The following ZNF766 variants were observed in gnomAD, a reference collection of about 807,000 sequenced individuals.
ZNF766 encodes the protein zinc finger protein 766.
Under a neutral mutation model 13.2 loss-of-function variants are expected in ZNF766, and 13 were observed. That is an observed-to-expected ratio of 0.98 (90% CI 0.64 to 1.56). The LOEUF (loss-of-function observed/expected upper bound fraction) is 1.56, where lower values mean the gene tolerates loss of function less well. Ranked by LOEUF, ZNF766 falls within the 40% of genes most tolerant of loss-of-function variation. The pLI is 0.00. For missense variants in ZNF766, 521 were observed against 552.2 expected, an observed-to-expected ratio of 0.94 and a Z score of 0.57; for synonymous variants, 178 against 187.6, an observed-to-expected ratio of 0.95 and a Z score of 0.42.
At position 52,284,037 on chromosome 19, in the gene ZNF766, C is replaced by T. The variant is rs557876314; in HGVS notation, c.274+624C>T. On this transcript the variant is annotated intron_variant, in intron 3 of 3. Transcript: ENST00000439461. Reference sequence around the variant, plus strand: ...GGTGTCAGCCACCGCGCCCAGCCCACGCTGTCGTTTAGATGTGTAATAGTT... The same window carrying T: ...GGTGTCAGCCACCGCGCCCAGCCCATGCTGTCGTTTAGATGTGTAATAGTT... Among the ~76,000 whole-genome samples the T allele has an allele frequency of 1.1e-4, 16 of 152,280 alleles. No homozygotes were observed. In the South Asian group the frequency reaches 2.9e-3, roughly 28 times the overall value.
chr19:52,286,513 C>T (rs953059602), intron 3 of ZNF766, among the ~76,000 whole-genome samples: 4 of 152,042 alleles, frequency 2.6e-5, no homozygotes, highest in Admixed American at 1.3e-4. Flanking sequence ...TGAGCTCAAG[C>T]GATCCTCCCG....
intron 1 of ZNF766, among the ~76,000 whole-genome samples, chr19:52,270,284 G>A (rs901345030): frequency 3.4e-4 from 52 of 152,216 alleles, no homozygotes; most frequent in African/African-American, 1.1e-3. Context: ...CGAGGTAGAG[G>A]AAACAGAAAA....
Position 52,294,459 on chromosome 19 carries a change from CT to C in ZNF766, c.*3264del, listed in dbSNP as rs1280568354. 6.6e-6 allele frequency: 1 copy of C among 152,140 alleles called. No homozygotes were observed. The highest frequency in any genetic ancestry group is 2.4e-5 in the African/African-American group (1 of 41,436). 9.4% of individuals were successfully genotyped at this position (152,140 alleles called of 1,614,324 possible). ...TCAAAATGTTTACTCCATAATGAGG[CT>C]TTCTGGGGAGAGCAGGGTAGACTTC... On this transcript the variant is annotated 3_prime_UTR_variant, in exon 4 of 4. Transcript: ENST00000439461.
chr19:52,290,339 G>A lies in ZNF766; in HGVS notation c.548G>A (p.Arg183Lys). ...TCACAAGAACAGAAAGCACACATTA[G>A]GAGAAAACCTTACGAATGTAATGAG... Reference protein sequence around the residue: ...LLSQEQKAHIRRKPYECNEQG... With the variant: ...LLSQEQKAHIKRKPYECNEQG... Residue 183 changes from arginine to lysine, a missense_variant, in exon 4 of 4, where the codon AGG (arginine) becomes AAG (lysine). Coordinates refer to ENST00000439461, the MANE Select transcript of ZNF766 (RefSeq NM_001010851.3). 6.2e-7 allele frequency: 1 copy of A among 1,614,112 alleles called. No individual in the cohort carries two copies.
chr19:52,271,425 G>A (rs940459542), intron 1 of ZNF766, among the ~76,000 whole-genome samples: 15 of 152,164 alleles, frequency 9.9e-5, no homozygotes, highest in African/African-American at 3.6e-4. Context: ...ACCAGTAAAG[G>A]GAAGAGATCT....
At position 52,280,354 on chromosome 19, in the gene ZNF766, G is replaced by A. The variant is rs747390715; in HGVS notation, c.19-1757G>A. ...AACCTGGACAACATAGCAAGACCCA[G>A]TCTCTAAGAATTTTTTTTAAAAAAG... On this transcript the variant is annotated intron_variant, in intron 1 of 3. Coordinates refer to ENST00000439461, the MANE Select transcript of ZNF766 (RefSeq NM_001010851.3). Among the ~76,000 whole-genome samples, 9 of 152,098 alleles carry A rather than the reference G, an allele frequency of 5.9e-5. No homozygotes were observed. In the East Asian group the frequency reaches 7.7e-4, roughly 13 times the overall value.
chr19:52,282,434 G>A (rs535680702), intron 2 of ZNF766, 197 bp downstream of exon 2: 24 of 446,656 alleles, frequency 5.4e-5, no homozygotes, highest in African/African-American at 4.2e-4. Context: ...TCAGGAGTTC[G>A]AGACCAACCT....
chr19:52,292,031 T>C lies in ZNF766; in HGVS notation c.*833T>C. 1 of 642,180 alleles carries C rather than the reference T, an allele frequency of 1.6e-6. No homozygotes were observed. Among genetic ancestry groups the C allele is most frequent in the Non-Finnish European group, 2.8e-6 (1 of 358,760 alleles). The allele number at this position is 642,180 out of a possible 1,614,324, so 39.8% of individuals were successfully genotyped here. On this transcript the variant is annotated 3_prime_UTR_variant, in exon 4 of 4. Transcript: ENST00000439461. Reference sequence around the variant, plus strand: ...AGAGTTTGAGCAGTGAGCTCTGATCTTGCCATTTGTACTCCAGCTTGGGTG... The same window carrying C: ...AGAGTTTGAGCAGTGAGCTCTGATCCTGCCATTTGTACTCCAGCTTGGGTG...
At chr19:52,274,817 T>G (rs1297270941) in intron 1 of ZNF766, 1 of 132,084 alleles carries the variant, frequency 7.6e-6, no homozygotes. Flanking sequence ...AGAGTGAGAC[T>G]CCATCTCAAA....
intron 1 of ZNF766, among the ~76,000 whole-genome samples, chr19:52,271,845 AG>A (rs1378263369): frequency 6.6e-6 from 1 of 152,062 alleles, no homozygotes; most frequent in Non-Finnish European, 1.5e-5. Context: ...CTGTATTCCC[AG>A]TTACTCCGGA....
chr19:52,269,697 T>G, intron 1 of ZNF766, 66 bp downstream of exon 1: 7 of 1,579,170 alleles, frequency 4.4e-6, no homozygotes, highest in Non-Finnish European at 6.1e-6. Flanking sequence ...GTACCCGGGA[T>G]GTGGGGGGCG....
At position 52,283,306 on chromosome 19, in the gene ZNF766, G is replaced by T. The variant is rs778459680; in HGVS notation, c.167G>T (p.Ser56Ile). The T allele has an allele frequency of 6.2e-7, 1 of 1,613,842 alleles. No homozygotes were observed. The highest frequency in any genetic ancestry group is 1.1e-5 in the South Asian group (1 of 91,060). ...ACAGGAATCTGTCTTCCTGACCTGA[G>T]TATTATCTCCATGATGAAGCAAAGG... is the stretch of plus-strand genomic sequence containing the variant. ...VSLGICLPDL[S>I]IISMMKQRTE... Residue 56 changes from serine (S) to isoleucine (I), a missense_variant, in exon 3 of 4, where the codon AGT becomes ATT. By Grantham distance (142) the Ser-to-Ile change is moderately radical. Transcript: ENST00000439461.
At chr19:52,275,841 T>C (rs1285650416) in intron 1 of ZNF766, among the ~76,000 whole-genome samples, 1 of 152,032 alleles carries the variant, frequency 6.6e-6, no homozygotes, top group Admixed American at 6.6e-5. Flanking sequence ...CTTTCATGCC[T>C]AGCTAATTTT....
rs1486488496 is a variant in ZNF766, at chr19:52,292,017, A to G, written c.*819A>G. 1 of 614,368 alleles carries G rather than the reference A, an allele frequency of 1.6e-6. No homozygotes were observed. Among genetic ancestry groups the G allele is most frequent in the Non-Finnish European group, 2.9e-6 (1 of 345,350 alleles). 38.1% of individuals were successfully genotyped at this position (614,368 alleles called of 1,614,324 possible). On this transcript the variant is annotated 3_prime_UTR_variant, in exon 4 of 4. Transcript: ENST00000439461. ...AGCCCAGGAGTTTGAGAGTTTGAGCAGTGAGCTCTGATCTTGCCATTTGTA... is the reference window on the plus strand; with the variant it reads ...AGCCCAGGAGTTTGAGAGTTTGAGCGGTGAGCTCTGATCTTGCCATTTGTA...
rs746640811 is a variant in ZNF766 at position 52,290,500 on chromosome 19, C to A, written c.709C>A (p.Arg237Ser). Residue 237 changes from arginine (R) to serine (S), a missense_variant, in exon 4 of 4, where the codon CGT becomes AGT. Transcript: ENST00000439461. ...KSGLAEHWRI[R>S]TGEKPYKCKE... ...AGGCCTCGCAGAACATTGGAGAATT[C>A]GTACAGGAGAGAAACCTTACAAATG... 6 of 1,613,902 alleles carry A rather than the reference C, an allele frequency of 3.7e-6. No individual in the cohort carries two copies. Among genetic ancestry groups the A allele is most frequent in the Non-Finnish European group, 8.5e-7 (1 of 1,179,978 alleles).
At position 52,275,249 on chromosome 19, in the gene ZNF766, AGTT is replaced by A. The variant is rs769511424; in HGVS notation, c.18+5623_18+5625del. Among the ~76,000 whole-genome samples, 3 of 152,308 alleles carry A rather than the reference AGTT, an allele frequency of 2.0e-5. No homozygotes were observed. In the South Asian group the frequency reaches 6.2e-4, roughly 32 times the overall value. On this transcript the variant is annotated intron_variant, in intron 1 of 3. Coordinates refer to ENST00000439461, the MANE Select transcript of ZNF766 (RefSeq NM_001010851.3). ...AGGCTGATGTGTGTGTTTGTGTCTTAGTTGTTGACAAAAATGTTTAAAAAGGTT... is the reference window on the plus strand; with the variant it reads ...AGGCTGATGTGTGTGTTTGTGTCTTAGTTGACAAAAATGTTTAAAAAGGTT...
rs1054325505 is a variant in ZNF766 at position 52,294,824 on chromosome 19, A to G, written c.*3626A>G. 3.3e-5 allele frequency: 5 copies of G among 152,278 alleles called. No homozygotes were observed. Among genetic ancestry groups the G allele is most frequent in the Admixed American group, 6.5e-5 (1 of 15,294 alleles). The allele number at this position is 152,278 out of a possible 1,614,324, so 9.4% of individuals were successfully genotyped here. A position where few individuals can be genotyped will look rare whatever the true frequency, so the allele number is the denominator to read the frequency against. ...ACGTTCCTTTTATAGTTACAGATAC[A>G]GGTCTCATTGCACAATATGATTGTT... is the stretch of plus-strand genomic sequence containing the variant. On this transcript the variant is annotated 3_prime_UTR_variant, in exon 4 of 4. Coordinates refer to ENST00000439461, the MANE Select transcript of ZNF766 (RefSeq NM_001010851.3).
intron 1 of ZNF766, chr19:52,274,346 C>T (rs1398363873): frequency 1.3e-5 from 2 of 152,548 alleles, no homozygotes; most frequent in East Asian, 3.9e-4. Context: ...CATAAGATTA[C>T]ACTGGAGCTG....
At chr19:52,276,448 A>G (rs1981205308) in intron 1 of ZNF766, among the ~76,000 whole-genome samples, 1 of 152,088 alleles carries the variant, frequency 6.6e-6, no homozygotes, top group African/African-American at 2.4e-5. Context: ...TACAGACCCC[A>G]TGCACTGTAT....
Sources: gnomAD v4.1 joint callset for allele counts (sites outside exome capture counted in the v4.1 genomes callset) on GRCh38, gnomAD v4.1.1 for gene constraint, MANE v1.5 for transcripts, NCBI Gene and HGNC (gene_info 2026-07-23, HGNC 2026-07-21) for gene names.